DNAH5: variants seen among roughly 807,000 people sequenced by gnomAD.
DNAH5 encodes the protein axonemal beta dynein heavy chain 5.
Under a neutral mutation model 518.2 loss-of-function variants are expected in DNAH5, and 372 were observed. That is an observed-to-expected ratio of 0.72 (90% confidence interval 0.66 to 0.78). The LOEUF (loss-of-function observed/expected upper bound fraction) is 0.78, where lower values mean the gene tolerates loss of function less well. Among genes scored for constraint, DNAH5 ranks in the 30% least tolerant of loss-of-function variants. The pLI is 0.00. For missense variants in DNAH5, 5,523 were observed against 5,687.0 expected (o/e 0.97, Z 0.93); for synonymous variants, 2,039 against 2,025.9 (o/e 1.01, Z -0.17).
At position 13,708,255 on chromosome 5, in the gene DNAH5, C is replaced by T. The variant is rs1321440496; in HGVS notation, c.13206G>A (p.Arg4402=). ...FLRQEIDRMQ[R]VLSLVRSTLT... is the part of the protein sequence containing the mutation. The stretch of plus-strand genomic sequence containing the variant: ...GGGTGCTGCGGACAAGGCTGAGTAC[C>T]CTTTGCATTCTGTCTATTTCCTGCC... Residue 4402 remains arginine, a synonymous_variant, in exon 76 of 79, where the codon AGG becomes AGA. Coordinates refer to ENST00000265104, the MANE Select transcript of DNAH5 (RefSeq NM_001369.3). The T allele has an allele frequency of 6.2e-7, 1 of 1,614,098 alleles. No individual in the cohort carries two copies. The highest frequency in any genetic ancestry group is 8.5e-7 in the Non-Finnish European group (1 of 1,180,010).
intron 58 of DNAH5, among the ~76,000 whole-genome samples, chr5:13,768,688 G>T (rs1202550649): frequency 6.6e-6 from 1 of 152,170 alleles, no homozygotes; most frequent in Non-Finnish European, 1.5e-5. Flanking sequence ...GCTTATTGAT[G>T]ACAGAGTTGA....
intron 9 of DNAH5, 28 bp downstream of exon 9, chr5:13,916,320 G>A (rs1776637624): frequency 8.1e-7 from 1 of 1,229,900 alleles, no homozygotes; most frequent in African/African-American, 1.5e-5. Flanking sequence ...AAATACAAAT[G>A]AACATGGACT....
intron 59 of DNAH5, among the ~76,000 whole-genome samples, chr5:13,763,796 A>G (rs947210886): frequency 6.6e-6 from 1 of 152,250 alleles, no homozygotes; most frequent in Admixed American, 6.5e-5. Flanking sequence ...TCTGGGAGCA[A>G]CAGAAGGTCA....
intron 70 of DNAH5, among the ~76,000 whole-genome samples, chr5:13,727,277 C>T (rs1745880807): frequency 6.6e-6 from 1 of 152,182 alleles, no homozygotes. Context: ...TCATTTACTC[C>T]TATTGTAGCC....
chr5:13,732,030 G>A (rs1746630385), intron 68 of DNAH5, among the ~76,000 whole-genome samples: 1 of 151,870 alleles, frequency 6.6e-6, no homozygotes, highest in African/African-American at 2.4e-5. Context: ...CTACTCAGGA[G>A]GATCACCTAA....
At chr5:13,748,279 T>C (rs1471980492) in intron 65 of DNAH5, among the ~76,000 whole-genome samples, 2 of 152,244 alleles carry the variant, frequency 1.3e-5, no homozygotes, top group Non-Finnish European at 2.9e-5. Context: ...TTCGTTACTA[T>C]AACCTTGTAG....
intron 65 of DNAH5, among the ~76,000 whole-genome samples, chr5:13,737,924 A>G (rs1747797881): frequency 6.6e-6 from 1 of 151,988 alleles, no homozygotes. Flanking sequence ...TTATCTGGGC[A>G]TGGTGGCTCA....
chr5:13,880,594 A>G (rs1771520967), intron 21 of DNAH5, among the ~76,000 whole-genome samples: 2 of 152,084 alleles, frequency 1.3e-5, no homozygotes, highest in Non-Finnish European at 2.9e-5. Context: ...TGTATATGCA[A>G]TCAAAACTAT....
chr5:13,922,610 C>T (rs1259691642), intron 4 of DNAH5, among the ~76,000 whole-genome samples: 1 of 151,634 alleles, frequency 6.6e-6, no homozygotes, highest in East Asian at 1.9e-4. Flanking sequence ...ACCTGTAATC[C>T]CAGCTACTCA....
chr5:13,834,351 G>A (rs962385160), intron 35 of DNAH5, among the ~76,000 whole-genome samples: 2 of 152,160 alleles, frequency 1.3e-5, no homozygotes, highest in Admixed American at 1.3e-4. Flanking sequence ...AGCATCCACA[G>A]TTTTCAGAGG....
In DNAH5 at chr5:13,923,382, C is replaced by T; in HGVS notation, c.336G>A (p.Lys112=). 6.2e-7 allele frequency: 1 copy of T among 1,614,176 alleles called. No homozygotes were observed. The highest frequency in any genetic ancestry group is 8.5e-7 in the Non-Finnish European group (1 of 1,180,010). Residue 112 remains lysine, a synonymous_variant, in exon 4 of 79, where the codon AAG becomes AAA. Coordinates refer to ENST00000265104, the MANE Select transcript of DNAH5 (RefSeq NM_001369.3). Reference sequence around the variant, plus strand: ...CATCGTTTCCCTCGGTCACGAACACCTTAGGTTTTTTAATCTTTCCAGAAA... The same window carrying T: ...CATCGTTTCCCTCGGTCACGAACACTTTAGGTTTTTTAATCTTTCCAGAAA... ...NLVSGKIKKP[K]VFVTEGNDVA...
At chr5:13,795,598 C>T (rs1757705229) in intron 47 of DNAH5, among the ~76,000 whole-genome samples, 1 of 152,226 alleles carries the variant, frequency 6.6e-6, no homozygotes, top group Non-Finnish European at 1.5e-5. Flanking sequence ...CAGACGGATT[C>T]ACAGCCAAAT....
chr5:13,820,158 G>GT lies in DNAH5; in HGVS notation c.6841+187dup, dbSNP rs34073819. Among the ~76,000 whole-genome samples the GT allele has an allele frequency of 1.5e-3, 222 of 149,518 alleles. 4 individuals carry two copies. The East Asian group carries it at 0.037, about 25-fold the overall frequency. ...GCAGTGCATAAAGTCACCTAAAAATGTTTTTTTTTCTCTCTGGTTCATTAA... is the reference window on the plus strand; with the variant it reads ...GCAGTGCATAAAGTCACCTAAAAATGTTTTTTTTTTCTCTCTGGTTCATTAA... On this transcript the variant is annotated intron_variant, in intron 41 of 78. Transcript: ENST00000265104.
In DNAH5 at chr5:13,737,289, T is replaced by G. The variant is rs1489672721; in HGVS notation, c.11418A>C (p.Glu3806Asp). 2.5e-6 allele frequency: 4 copies of G among 1,614,140 alleles called. No homozygotes were observed. In the Admixed American group the frequency reaches 6.7e-5, roughly 27 times the overall value. ...TQKLEISAET[E>D]VQINSAREEY... ...CCTCCCGGGCTGAGTTAATTTGAAC[T>G]TCTGTCTCAGCAGAAATTTCTAGCT... Residue 3806 changes from glutamate to aspartate, a missense_variant, in exon 66 of 79, where the codon GAA becomes GAC. Glu to Asp is a conservative substitution (Grantham distance 45). Coordinates refer to ENST00000265104, the MANE Select transcript of DNAH5 (RefSeq NM_001369.3).
intron 12 of DNAH5, among the ~76,000 whole-genome samples, chr5:13,907,168 C>A (rs899355920): frequency 2.6e-5 from 4 of 152,056 alleles, no homozygotes; most frequent in Non-Finnish European, 5.9e-5. Context: ...CGGTGGCTCA[C>A]GACTGTAATC....
At chr5:13,712,693 A>G (rs1743652965) in intron 75 of DNAH5, among the ~76,000 whole-genome samples, 2 of 152,318 alleles carry the variant, frequency 1.3e-5, no homozygotes, top group South Asian at 4.2e-4. Flanking sequence ...AAGAAGATAT[A>G]CAAGTAGCCA....
chr5:13,981,809 G>A (rs1782691696), intron 1 of DNAH5, among the ~76,000 whole-genome samples: 1 of 152,180 alleles, frequency 6.6e-6, no homozygotes, highest in Non-Finnish European at 1.5e-5. Context: ...TTACAGAAAA[G>A]TAAAACTGGA....
intron 1 of DNAH5, among the ~76,000 whole-genome samples, chr5:13,961,659 AAAAG>A (rs1252131208): frequency 2.0e-5 from 3 of 152,110 alleles, no homozygotes; most frequent in Non-Finnish European, 4.4e-5. Flanking sequence ...AAGAAAAAGA[AAAAG>A]AAAGAAAGAA....
At chr5:13,720,433 T>C (rs974787228) in intron 71 of DNAH5, among the ~76,000 whole-genome samples, 4 of 152,226 alleles carry the variant, frequency 2.6e-5, no homozygotes, top group Non-Finnish European at 4.4e-5. Context: ...TGTCTTGTTC[T>C]GTCACCCAGG....
Sources: allele counts gnomAD v4.1 joint callset (sites outside exome capture counted in the v4.1 genomes callset), GRCh38; gene constraint gnomAD v4.1.1; transcripts MANE v1.5; gene names NCBI Gene and HGNC (gene_info 2026-07-23, HGNC 2026-07-21).